ISM2: variants seen among roughly 807,000 people sequenced by gnomAD.
The protein encoded by ISM2 is isthmin-2.
Under a neutral mutation model 58.0 loss-of-function variants are expected in ISM2, and 50 were observed. That is an observed-to-expected ratio of 0.86 (90% CI 0.69 to 1.09). The LOEUF is 1.09. Among genes scored for constraint, ISM2 ranks in the 50% least tolerant of loss-of-function variants. The pLI is 0.00. For missense variants in ISM2, 723 were observed against 745.0 expected (o/e 0.97, Z 0.34); for synonymous variants, 303 against 312.4 (o/e 0.97, Z 0.32).
At position 77,482,360 on chromosome 14, in the gene ISM2, G is replaced by C. The variant is rs1166227114; in HGVS notation, c.935C>G (p.Ala312Gly). Residue 312 changes from alanine (A) to glycine (G), a missense_variant, in exon 4 of 7, where the codon GCC (alanine) becomes GGC (glycine). Ala to Gly is a moderately conservative substitution (Grantham distance 60). Transcript: ENST00000342219. ...TTDNWDQGWLAPGDWVFKDSV... is the reference protein window; with the variant it reads ...TTDNWDQGWLGPGDWVFKDSV... ...ATCCTTGAAGACCCAATCCCCGGGG[G>C]CCAGCCAGCCCTGGTCCCAGTTGTC... 6.2e-7 allele frequency: 1 copy of C among 1,613,818 alleles called. No individual in the cohort carries two copies. The highest frequency in any genetic ancestry group is 1.3e-5 in the African/African-American group (1 of 74,978).
chr14:77,482,431 T>A lies in ISM2; in HGVS notation c.864A>T (p.Lys288Asn). 6.2e-7 allele frequency: 1 copy of A among 1,614,168 alleles called. No individual in the cohort carries two copies. The highest frequency in any genetic ancestry group is 8.5e-7 in the Non-Finnish European group (1 of 1,180,018). ...GCGCCTGCTCTTCCTCATCTTCCTC[T>A]TTGTCCTCTTGATCCTCACCCTCGA... ...EDIEGEDQEDKEEDEEEQALW... is the reference protein window; with the variant it reads ...EDIEGEDQEDNEEDEEEQALW... The change falls in exon 4 of 7, where the codon AAA becomes AAT. Residue 288 changes from lysine (K) to asparagine (N), a missense_variant. Lys to Asn is a moderately conservative substitution (Grantham distance 94). Transcript: ENST00000342219.
intron 1 of ISM2, among the ~76,000 whole-genome samples, chr14:77,492,871 G>C (rs1034761139): frequency 1.3e-5 from 2 of 152,100 alleles, no homozygotes; most frequent in African/African-American, 4.8e-5. Flanking sequence ...GAACATGCCT[G>C]TAGTCCCAGC....
At position 77,496,431 on chromosome 14, in the gene ISM2, T is replaced by C. The variant is rs1055310342; in HGVS notation, c.141+2222A>G. Among the ~76,000 whole-genome samples, 3 of 150,862 alleles carry C rather than the reference T, an allele frequency of 2.0e-5. No individual in the cohort carries two copies. The South Asian group carries it at 6.3e-4, about 32-fold the overall frequency. ...TGAACCCAGGAGGCGGAGGTTGTGG[T>C]GAGCCAAGATCACGCCATTGCACTC... On this transcript the variant is annotated intron_variant, in intron 1 of 6. Coordinates refer to ENST00000342219, the MANE Select transcript of ISM2 (RefSeq NM_199296.3).
At chr14:77,478,417 GC>G in intron 5 of ISM2, 92 bp from the exon 6 acceptor site, 1 of 1,420,286 alleles carries the variant, frequency 7.0e-7, no homozygotes, top group Non-Finnish European at 9.8e-7. Context: ...GGCTCTCAGT[GC>G]CCACAGCAGC....
Position 77,475,887 on chromosome 14 carries a change from C to T in ISM2, c.1424G>A (p.Cys475Tyr). ...LDIYQPTARF[C>Y]LRSMLSGESS... ...CTCCCCAGACAGCATGGAACGCAGG[C>T]AGAAGCGCGCCGTGGGCTGGTAGAT... The change falls in exon 7 of 7, where the codon TGC becomes TAC. Residue 475 changes from cysteine to tyrosine, a missense_variant. Coordinates refer to ENST00000342219, the MANE Select transcript of ISM2 (RefSeq NM_199296.3). This position sits in a 1 kb window ranked among gnomAD's most constrained non-coding sequence, Gnocchi z 4.1. 1 of 1,604,800 alleles carries T rather than the reference C, an allele frequency of 6.2e-7. No individual in the cohort carries two copies.
At chr14:77,496,186 CAAA>C (rs1187094203) in intron 1 of ISM2, among the ~76,000 whole-genome samples, 2 of 118,234 alleles carry the variant, frequency 1.7e-5, no homozygotes, top group Non-Finnish European at 3.6e-5. Flanking sequence ...GACTCCATGC[CAAA>C]AAAAAAAAAA....
chr14:77,485,758 T>C (rs1028831045), intron 1 of ISM2, among the ~76,000 whole-genome samples: 4 of 152,354 alleles, frequency 2.6e-5, no homozygotes, highest in East Asian at 1.9e-4. Flanking sequence ...ACCTGCCACC[T>C]GTGGACCCTG....
intron 1 of ISM2, among the ~76,000 whole-genome samples, chr14:77,487,180 A>G (rs539662857): frequency 6.6e-6 from 1 of 152,028 alleles, no homozygotes; most frequent in South Asian, 2.1e-4. Context: ...AGGCAGCAGA[A>G]GTTGCAGTGA....
In ISM2 at chr14:77,484,152, A is replaced by AG. The variant is rs1408184783; in HGVS notation, c.627+170dup. ...GCCCACAGCTAGAAAGTAGAGGGGC[A>AG]GGTCCTCTGCCCCCTACACCACAGG... On this transcript the variant is annotated intron_variant, in intron 3 of 6. Coordinates refer to ENST00000342219, the MANE Select transcript of ISM2 (RefSeq NM_199296.3). 14 of 777,238 alleles carry AG rather than the reference A, an allele frequency of 1.8e-5. No homozygotes were observed. In the African/African-American group the frequency reaches 2.4e-4, roughly 13 times the overall value. 48.1% of individuals were successfully genotyped at this position (777,238 alleles called of 1,614,324 possible). A position where few individuals can be genotyped will look rare whatever the true frequency, so the allele number is the denominator to read the frequency against.
intron 1 of ISM2, among the ~76,000 whole-genome samples, chr14:77,492,082 C>A (rs1378411695): frequency 2.6e-5 from 4 of 151,722 alleles, no homozygotes; most frequent in African/African-American, 9.7e-5. Context: ...CTCACAGGAG[C>A]TGTGAACTCC....
chr14:77,485,057 G>T, intron 1 of ISM2, 138 bp from the exon 2 acceptor site: 1 of 893,612 alleles, frequency 1.1e-6, no homozygotes. Flanking sequence ...CATCTCTCTG[G>T]AGTGTGTATC....
intron 1 of ISM2, 110 bp downstream of exon 1, chr14:77,498,543 G>T: frequency 1.5e-6 from 2 of 1,379,198 alleles, no homozygotes; most frequent in Non-Finnish European, 1.9e-6. Context: ...CTCCATCGGG[G>T]GGTCGCTGCC....
chr14:77,476,321 C>T (rs2079098537), intron 6 of ISM2, among the ~76,000 whole-genome samples: 1 of 152,230 alleles, frequency 6.6e-6, no homozygotes, highest in South Asian at 2.1e-4. Context: ...TCAGAACAGA[C>T]ACAGGCCAAG....
rs190987528 is a variant in ISM2, at chr14:77,493,988, A to G, written c.141+4665T>C. On this transcript the variant is annotated intron_variant, in intron 1 of 6. Coordinates refer to ENST00000342219, the MANE Select transcript of ISM2 (RefSeq NM_199296.3). ...GAGATGGGGTTTCACCGTGTTAGCC[A>G]GGATGGTCTTGATCTCCTGATCTTG... Among the ~76,000 whole-genome samples, 742 of 149,592 alleles carry G rather than the reference A, an allele frequency of 5.0e-3. 5 individuals carry two copies. Among genetic ancestry groups the G allele is most frequent in the African/African-American group, 0.018 (715 of 40,516 alleles).
rs1177768719 is a variant in ISM2, at chr14:77,497,769, GGGAA to G, written c.141+880_141+883del. Among the ~76,000 whole-genome samples, 675 of 86,050 alleles carry G rather than the reference GGGAA, an allele frequency of 7.8e-3. 21 individuals are homozygous for G. The highest frequency in any genetic ancestry group is 0.034 in the African/African-American group (545 of 16,002). 56.5% of individuals were successfully genotyped at this position (86,050 alleles called of 152,430 possible). On this transcript the variant is annotated intron_variant, in intron 1 of 6. Transcript: ENST00000342219. Reference sequence around the variant, plus strand: ...AGGGAGGGAGGGAGGGAGGGAGGGAGGGAAGGAAGGAAGGAAGGAAGGAAGGAAG... The same window carrying G: ...AGGGAGGGAGGGAGGGAGGGAGGGAGGGAAGGAAGGAAGGAAGGAAGGAAG...
chr14:77,481,708 G>A (rs868606976), intron 4 of ISM2, among the ~76,000 whole-genome samples: 2 of 152,044 alleles, frequency 1.3e-5, no homozygotes, highest in East Asian at 3.9e-4. Flanking sequence ...CTCAATCCTT[G>A]GAAACTCACA....
intron 1 of ISM2, among the ~76,000 whole-genome samples, chr14:77,491,870 ATT>A (rs1379949012): frequency 2.7e-5 from 4 of 150,440 alleles, no homozygotes; most frequent in Admixed American, 6.6e-5. Flanking sequence ...TAATTTTTGT[ATT>A]TTTAGTAGAG....
chr14:77,491,415 G>T (rs2079203139), intron 1 of ISM2, among the ~76,000 whole-genome samples: 1 of 152,164 alleles, frequency 6.6e-6, no homozygotes, highest in African/African-American at 2.4e-5. Flanking sequence ...TAGAGATAGG[G>T]TCTCACTCTG....
intron 1 of ISM2, among the ~76,000 whole-genome samples, chr14:77,492,053 T>C (rs940026301): frequency 6.6e-6 from 1 of 150,754 alleles, no homozygotes; most frequent in East Asian, 2.0e-4. Flanking sequence ...CAGGCTGGAG[T>C]GCACTGGTGC....
Sources: gnomAD v4.1 joint callset for allele counts (sites outside exome capture counted in the v4.1 genomes callset) on GRCh38, gnomAD v4.1.1 for gene constraint, Gnocchi (gnomAD v3.1) non-coding constraint, MANE v1.5 for transcripts, NCBI Gene and HGNC (gene_info 2026-07-23, HGNC 2026-07-21) for gene names.